Variants in HDAC9 observed in about 807,000 individuals in gnomAD.
HDAC9 encodes histone deacetylase 9, also known as MEF-2 interacting transcription repressor (MITR) protein.
In HDAC9, 41 loss-of-function variants were observed where a neutral mutation model predicts 139.4. The ratio of observed to expected loss-of-function variants is 0.29; its 90% CI spans 0.23 to 0.38. The LOEUF (loss-of-function observed/expected upper bound fraction) is 0.38, where lower values mean the gene tolerates loss of function less well. Among genes scored for constraint, HDAC9 ranks in the 10% least tolerant of loss-of-function variants. The probability of loss-of-function intolerance (pLI) is 1.00; values close to 1 mark genes in which losing one functional copy is unlikely to be tolerated. For synonymous variants in HDAC9, 517 were observed against 476.2 expected, an observed-to-expected ratio of 1.09 and a Z score of -1.12; for missense variants, 1,147 against 1,297.0, an observed-to-expected ratio of 0.88 and a Z score of 1.78.
chr7:18,960,451 T>G (rs1330128229), intron 24 of HDAC9, among the ~76,000 whole-genome samples: 1 of 152,112 alleles, frequency 6.6e-6, no homozygotes, highest in Non-Finnish European at 1.5e-5. Flanking sequence ...TATTATTATA[T>G]CTGTAGTTCT....
intron 25 of HDAC9, among the ~76,000 whole-genome samples, chr7:18,992,528 G>A (rs1786067244): frequency 6.6e-6 from 1 of 152,146 alleles, no homozygotes; most frequent in Non-Finnish European, 1.5e-5. Flanking sequence ...GGAGGAAGAG[G>A]AGTAGAAGTA....
Position 18,424,635 on chromosome 7 carries a change from G to A in HDAC9, c.-41-71627G>A, listed in dbSNP as rs368261570. Among the ~76,000 whole-genome samples the A allele has an allele frequency of 7.7e-4, 118 of 152,278 alleles. 1 individual carries two copies. Among genetic ancestry groups the A allele is most frequent in the Admixed American group, 5.0e-3 (77 of 15,294 alleles). On this transcript the variant is annotated intron_variant, in intron 1 of 3. Coordinates refer to the HDAC9 transcript ENST00000413509. ...TTTTAATAATTAAAATAGGCTGGGC[G>A]CAGTGGCTCATGCCTGTAATCCCAA...
intron 23 of HDAC9, among the ~76,000 whole-genome samples, chr7:18,940,864 A>G (rs1781978642): frequency 6.6e-6 from 1 of 152,172 alleles, no homozygotes; most frequent in Non-Finnish European, 1.5e-5. Flanking sequence ...AAACAAAAAC[A>G]TTGAAAAACT....
rs192412710 is a variant in HDAC9 at position 18,755,906 on chromosome 7, C to A, written c.2044-6251C>A. 2.0e-5 allele frequency among the ~76,000 whole-genome samples: 3 copies of A among 152,252 alleles called. No individual in the cohort carries two copies. In the East Asian group the frequency reaches 5.8e-4, roughly 29 times the overall value. ...GAAGATTGATAATATTTTTACTCAT[C>A]AACCTTCCGTCCACCAATATTTTAA... On this transcript the variant is annotated intron_variant, in intron 14 of 25. Coordinates refer to ENST00000686413, the MANE Select transcript of HDAC9 (RefSeq NM_178425.4).
chr7:18,315,822 C>T (rs1799600409), intron 1 of HDAC9, among the ~76,000 whole-genome samples: 1 of 152,182 alleles, frequency 6.6e-6, no homozygotes, highest in Non-Finnish European at 1.5e-5. Flanking sequence ...ACTTCTGTCA[C>T]AGATCACAAG....
At position 18,496,275 on chromosome 7, in the gene HDAC9, A is replaced by G; in HGVS notation, c.-28A>G. Reference sequence around the variant, plus strand: ...GTTTTTCCTCAGATGGGGTGGCTGGACGAGAGCAGCTCTTGGCTCAGCAAA... The same window carrying G: ...GTTTTTCCTCAGATGGGGTGGCTGGGCGAGAGCAGCTCTTGGCTCAGCAAA... On this transcript the variant is annotated 5_prime_UTR_variant, in exon 2 of 26. Transcript: ENST00000686413. The G allele has an allele frequency of 1.2e-6, 2 of 1,613,208 alleles. No individual in the cohort carries two copies. The highest frequency in any genetic ancestry group is 1.7e-6 in the Non-Finnish European group (2 of 1,179,448).
intron 2 of HDAC9, among the ~76,000 whole-genome samples, chr7:18,249,902 C>T (rs147949174): frequency 1.3e-5 from 2 of 152,118 alleles, no homozygotes; most frequent in African/African-American, 4.8e-5. Context: ...AATATGCCTG[C>T]TAATTTTAGG....
intron 1 of HDAC9, among the ~76,000 whole-genome samples, chr7:18,310,715 GAC>G (rs1799251916): frequency 6.6e-6 from 1 of 151,956 alleles, no homozygotes; most frequent in Admixed American, 6.6e-5. Context: ...GTGTGACATA[GAC>G]ATCATACAGC....
chr7:18,729,888 G>T (rs1199167571), intron 13 of HDAC9, among the ~76,000 whole-genome samples: 3 of 152,200 alleles, frequency 2.0e-5, no homozygotes, highest in Admixed American at 6.5e-5. Context: ...TTGAATCAAT[G>T]AATATTAATT....
At chr7:18,204,600 A>G (rs1288868202) in intron 2 of HDAC9, among the ~76,000 whole-genome samples, 2 of 152,060 alleles carry the variant, frequency 1.3e-5, no homozygotes, top group Middle Eastern at 3.2e-3. Flanking sequence ...CAATAAATAT[A>G]AAGTGGAACT....
At chr7:18,959,699 G>A (rs947613324) in intron 24 of HDAC9, among the ~76,000 whole-genome samples, 9 of 152,126 alleles carry the variant, frequency 5.9e-5, no homozygotes, top group South Asian at 2.1e-4. Flanking sequence ...CCACGTTGGC[G>A]CTACTGTGAC....
At chr7:18,445,024 G>A (rs902914039) in intron 1 of HDAC9, among the ~76,000 whole-genome samples, 15 of 152,176 alleles carry the variant, frequency 9.9e-5, no homozygotes, top group Admixed American at 8.5e-4. Flanking sequence ...TTATGCAAGA[G>A]CTTTATCATA....
chr7:18,864,736 C>A (rs2129237574), intron 21 of HDAC9, among the ~76,000 whole-genome samples: 1 of 151,984 alleles, frequency 6.6e-6, no homozygotes, highest in South Asian at 2.1e-4. Flanking sequence ...TTGCCAGGGG[C>A]TTGGAGGAAG....
intron 11 of HDAC9, 77 bp downstream of exon 11, chr7:18,648,760 T>C: frequency 8.0e-7 from 1 of 1,247,644 alleles, no homozygotes; most frequent in South Asian, 1.3e-5. Context: ...TATGGGTGTC[T>C]AAGAGGAATG....
At chr7:18,113,176 A>G (rs948614708) in intron 1 of HDAC9, among the ~76,000 whole-genome samples, 10 of 152,308 alleles carry the variant, frequency 6.6e-5, no homozygotes, top group African/African-American at 1.9e-4. Context: ...AGTGAATTGT[A>G]ATTTAAGAAA....
chr7:18,545,933 T>C (rs1033831933), intron 2 of HDAC9, among the ~76,000 whole-genome samples: 1 of 152,212 alleles, frequency 6.6e-6, no homozygotes, highest in African/African-American at 2.4e-5. Context: ...CCTGTGAATC[T>C]CTAGACTAAA....
Position 18,278,354 on chromosome 7 carries a change from C to T in HDAC9, c.25+116005C>T, listed in dbSNP as rs183367491. On this transcript the variant is annotated intron_variant, in intron 2 of 12. Transcript: ENST00000417496. ...GCAATGATTTAAAAACAAAAACATACGCTTTGAATGGAGTGCTTTATTAAA... is the reference window on the plus strand; with the variant it reads ...GCAATGATTTAAAAACAAAAACATATGCTTTGAATGGAGTGCTTTATTAAA... Among the ~76,000 whole-genome samples, 97 of 152,228 alleles carry T rather than the reference C, an allele frequency of 6.4e-4. 1 individual carries two copies. The highest frequency in any genetic ancestry group is 4.1e-4 in the South Asian group (2 of 4,826).
intron 1 of HDAC9, among the ~76,000 whole-genome samples, chr7:18,297,766 A>G (rs1585052650): frequency 6.6e-6 from 1 of 152,304 alleles, no homozygotes; most frequent in African/African-American, 2.4e-5. Flanking sequence ...TGTGACATCA[A>G]CAAAGTTTGT....
chr7:18,400,439 C>A (rs1787434632), intron 1 of HDAC9, among the ~76,000 whole-genome samples: 1 of 152,142 alleles, frequency 6.6e-6, no homozygotes, highest in South Asian at 2.1e-4. Flanking sequence ...GGTGTGGTCT[C>A]AGACAAGCAT....
Sources: allele counts gnomAD v4.1 joint callset (sites outside exome capture counted in the v4.1 genomes callset), GRCh38; gene constraint gnomAD v4.1.1; transcripts MANE v1.5; gene names NCBI Gene and HGNC (gene_info 2026-07-23, HGNC 2026-07-21).